STK39: variants seen among roughly 807,000 people sequenced by gnomAD.
STK39 encodes the protein serine/threonine kinase 39, also known as STE20/SPS1-related proline-alanine-rich protein kinase.
In STK39, 20 loss-of-function variants were observed where a neutral mutation model predicts 77.8. The observed-to-expected ratio is 0.26, with a 90% CI of 0.18 to 0.37. The LOEUF (loss-of-function observed/expected upper bound fraction) is 0.37. STK39 is among the 10% of genes least tolerant of loss of function. The probability of loss-of-function intolerance (pLI) is 1.00; values close to 1 mark genes in which losing one functional copy is unlikely to be tolerated. For synonymous variants in STK39, 246 were observed against 234.1 expected (o/e 1.05, Z -0.47); for missense variants, 479 against 656.5 (o/e 0.73, Z 2.95).
chr2:168,006,915 G>A (rs1349533401), intron 16 of STK39, among the ~76,000 whole-genome samples: 4 of 152,278 alleles, frequency 2.6e-5, no homozygotes, highest in South Asian at 4.1e-4. Context: ...TCTGATTCGC[G>A]AAGGTCGGCA....
At chr2:168,075,312 C>T (rs1686052036) in intron 10 of STK39, 81 bp from the exon 11 acceptor site, 3 of 1,570,476 alleles carry the variant, frequency 1.9e-6, no homozygotes, top group Non-Finnish European at 2.6e-6. Flanking sequence ...GGTTATACGG[C>T]ATACACACCA....
At chr2:168,101,677 G>A (rs1166835104) in intron 10 of STK39, among the ~76,000 whole-genome samples, 1 of 152,112 alleles carries the variant, frequency 6.6e-6, no homozygotes, top group Non-Finnish European at 1.5e-5. Flanking sequence ...GGCAGAGGCT[G>A]CAGGGGGCCG....
chr2:168,199,408 T>G (rs1382950180), intron 1 of STK39, among the ~76,000 whole-genome samples: 1 of 152,194 alleles, frequency 6.6e-6, no homozygotes, highest in South Asian at 2.1e-4. Flanking sequence ...CCTGGAAAAC[T>G]GGGAAAATCG....
At chr2:167,976,462 T>A (rs1322406585) in intron 16 of STK39, among the ~76,000 whole-genome samples, 6 of 152,148 alleles carry the variant, frequency 3.9e-5, no homozygotes, top group Admixed American at 3.9e-4. Context: ...CAACCACCTT[T>A]GTAAAACTAA....
chr2:168,019,523 C>T (rs943110387), intron 14 of STK39, among the ~76,000 whole-genome samples: 5 of 152,040 alleles, frequency 3.3e-5, no homozygotes, highest in East Asian at 1.9e-4. Context: ...GAGGGATTAC[C>T]GCACATAACT....
At chr2:168,015,160 T>C (rs1196617643) in intron 15 of STK39, among the ~76,000 whole-genome samples, 1 of 152,232 alleles carries the variant, frequency 6.6e-6, no homozygotes, top group Non-Finnish European at 1.5e-5. Flanking sequence ...CTGTTTAACA[T>C]CCCTGGTGCC....
At chr2:168,170,155 T>G (rs757850696) in intron 2 of STK39, among the ~76,000 whole-genome samples, 19 of 152,250 alleles carry the variant, frequency 1.2e-4, no homozygotes, top group Non-Finnish European at 2.1e-4. Flanking sequence ...AAACTAGAAA[T>G]CTTTCCACAA....
At chr2:168,153,787 G>A (rs6714707) in intron 5 of STK39, among the ~76,000 whole-genome samples, 62,008 of 152,004 alleles carry the variant, frequency 0.41, 14,454 homozygotes, top group East Asian at 0.68. Flanking sequence ...TAAGGAGGCC[G>A]ATTTGACTGA....
chr2:168,153,890 C>G (rs967455490), intron 5 of STK39, among the ~76,000 whole-genome samples: 1 of 152,144 alleles, frequency 6.6e-6, no homozygotes, highest in African/African-American at 2.4e-5. Flanking sequence ...GACTTTCACT[C>G]TGAAATGGCA....
intron 16 of STK39, among the ~76,000 whole-genome samples, chr2:167,971,380 T>C (rs1409105564): frequency 1.3e-5 from 2 of 152,182 alleles, no homozygotes; most frequent in Non-Finnish European, 2.9e-5. Context: ...GATAATATTG[T>C]AGGGGTGTAA....
intron 13 of STK39, among the ~76,000 whole-genome samples, 199 bp from the exon 14 acceptor site, chr2:168,063,769 A>G (rs776146844): frequency 1.3e-5 from 2 of 152,222 alleles, no homozygotes; most frequent in Non-Finnish European, 2.9e-5. Context: ...ACAATTGTGG[A>G]TATGAATGTT....
At chr2:168,047,702 G>A (rs993287340) in intron 14 of STK39, among the ~76,000 whole-genome samples, 1 of 152,162 alleles carries the variant, frequency 6.6e-6, no homozygotes, top group African/African-American at 2.4e-5. Context: ...ATGGGGACAG[G>A]AGACCAAACC....
chr2:168,085,246 G>A lies in STK39; in HGVS notation c.1090-10015C>T, dbSNP rs189252746. On this transcript the variant is annotated intron_variant, in intron 10 of 17. Transcript: ENST00000355999. ...CTGACTCTTTCTTGTGGAAAAAGAA[G>A]GATGGCTTAAAGAACAGAACTTGAG... Among the ~76,000 whole-genome samples, 26 of 152,320 alleles carry A rather than the reference G, an allele frequency of 1.7e-4. No individual in the cohort carries two copies. In the East Asian group the frequency reaches 3.9e-3, roughly 23 times the overall value.
In STK39 at chr2:168,065,339, G is replaced by C. The variant is rs371286172; in HGVS notation, c.1285C>G (p.Leu429Val). Reference sequence around the variant, plus strand: ...CATACCTGAGAGTCGTGCACAGAGAGGGACTGTATTTGTTCGGGGATGGTG... The same window carrying C: ...CATACCTGAGAGTCGTGCACAGAGACGGACTGTATTTGTTCGGGGATGGTG... ...ASTIPEQIQSLSVHDSQGPPN... is the reference protein window; with the variant it reads ...ASTIPEQIQSVSVHDSQGPPN... The change falls in exon 13 of 18, where the codon CTC (leucine) becomes GTC (valine). Residue 429 changes from leucine (L) to valine (V), a missense_variant. Leu to Val is a conservative substitution (Grantham distance 32, BLOSUM62 1). Coordinates refer to ENST00000355999, the MANE Select transcript of STK39 (RefSeq NM_013233.3). The C allele has an allele frequency of 1.9e-6, 3 of 1,613,984 alleles. No individual in the cohort carries two copies. The highest frequency in any genetic ancestry group is 1.3e-5 in the African/African-American group (1 of 74,922).
rs550315357 is a variant in STK39, at chr2:168,173,663, T to C, written c.322-6256A>G. On this transcript the variant is annotated intron_variant, in intron 2 of 17. Transcript: ENST00000355999. The stretch of plus-strand genomic sequence containing the variant: ...ACCCCTGCCTCCTGGGTTCAAGCGA[T>C]TCTCCTGCCTCAGCCTCCTGAGTAG... Among the ~76,000 whole-genome samples, 3 of 152,306 alleles carry C rather than the reference T, an allele frequency of 2.0e-5. No individual in the cohort carries two copies. In the South Asian group the frequency reaches 6.2e-4, roughly 32 times the overall value.
At chr2:168,194,390 A>G (rs1375088051) in intron 1 of STK39, among the ~76,000 whole-genome samples, 2 of 152,212 alleles carry the variant, frequency 1.3e-5, no homozygotes, top group Non-Finnish European at 2.9e-5. Context: ...ACTGCACTCC[A>G]GCCTGGGCAA....
At chr2:168,109,812 G>A (rs1379560386) in intron 10 of STK39, among the ~76,000 whole-genome samples, 1 of 152,190 alleles carries the variant, frequency 6.6e-6, no homozygotes, top group Non-Finnish European at 1.5e-5. Context: ...AAATACTAAT[G>A]ATGCTGCACA....
At chr2:168,043,642 A>T (rs1685165988) in intron 14 of STK39, among the ~76,000 whole-genome samples, 1 of 152,240 alleles carries the variant, frequency 6.6e-6, no homozygotes, top group Non-Finnish European at 1.5e-5. Context: ...ACAATTTCTG[A>T]CCACCAACAA....
chr2:168,155,687 G>A (rs570481342), intron 5 of STK39, among the ~76,000 whole-genome samples: 2 of 152,202 alleles, frequency 1.3e-5, no homozygotes, highest in South Asian at 4.1e-4. Flanking sequence ...TTGCAGGCTA[G>A]GGCAGTGCTT....
Sources: gnomAD v4.1 joint callset for allele counts (sites outside exome capture counted in the v4.1 genomes callset) on GRCh38, gnomAD v4.1.1 for gene constraint, MANE v1.5 for transcripts, NCBI Gene and HGNC (gene_info 2026-07-23, HGNC 2026-07-21) for gene names.